The following AGFG1 variants were observed in gnomAD, a reference collection of about 807,000 sequenced individuals.
The protein encoded by AGFG1 is arf-GAP domain and FG repeat-containing protein 1.
Under a neutral mutation model 60.6 loss-of-function variants are expected in AGFG1, and 10 were observed. The ratio of observed to expected loss-of-function variants is 0.16; its 90% CI spans 0.10 to 0.28. The LOEUF (loss-of-function observed/expected upper bound fraction) is 0.28. AGFG1 is among the 10% of genes least tolerant of loss of function. The probability of loss-of-function intolerance (pLI) is 1.00; values close to 1 mark genes in which losing one functional copy is unlikely to be tolerated. For synonymous variants in AGFG1, 247 were observed against 242.9 expected (o/e 1.02, Z -0.16); for missense variants, 537 against 676.5 (o/e 0.79, Z 2.29).
chr2:227,479,251 T>G (rs1690384141), intron 1 of AGFG1, among the ~76,000 whole-genome samples: 1 of 152,238 alleles, frequency 6.6e-6, no homozygotes, highest in East Asian at 1.9e-4. Flanking sequence ...TGACATCATT[T>G]GACCATAACT....
intron 10 of AGFG1, among the ~76,000 whole-genome samples, chr2:227,551,558 G>T (rs561155845): frequency 1.4e-3 from 208 of 151,846 alleles, no homozygotes; most frequent in African/African-American, 4.9e-3. Context: ...GATACTTCAG[G>T]AGATAAAATT....
chr2:227,494,467 G>T (rs1226409890), intron 2 of AGFG1, among the ~76,000 whole-genome samples: 1 of 152,204 alleles, frequency 6.6e-6, no homozygotes. Flanking sequence ...CATGCCTGAA[G>T]ATGAGTATTT....
At position 227,561,121 on chromosome 2, in the gene AGFG1, T is replaced by G. The variant is rs1693126253; in HGVS notation, c.*6626T>G. ...TTTTCAATATTCATTTCTGAAATAC[T>G]TTAGTATGATAGATAAATTTGGTTA... is the stretch of plus-strand genomic sequence containing the variant. On this transcript the variant is annotated 3_prime_UTR_variant, in exon 13 of 13. Coordinates refer to ENST00000310078, the MANE Select transcript of AGFG1 (RefSeq NM_004504.5). The G allele has an allele frequency of 6.6e-6, 1 of 152,156 alleles. No homozygotes were observed. The highest frequency in any genetic ancestry group is 2.1e-4 in the South Asian group (1 of 4,834). 9.4% of individuals were successfully genotyped at this position (152,156 alleles called of 1,614,324 possible). A position where few individuals can be genotyped will look rare whatever the true frequency, so the allele number is the denominator to read the frequency against.
chr2:227,480,174 TAAA>T (rs985292323), intron 1 of AGFG1, among the ~76,000 whole-genome samples: 46 of 152,254 alleles, frequency 3.0e-4, no homozygotes, highest in African/African-American at 9.1e-4. Flanking sequence ...GCTACTAGCT[TAAA>T]GAAGAAAAGA....
At chr2:227,510,168 G>A (rs1691452949) in intron 2 of AGFG1, among the ~76,000 whole-genome samples, 1 of 152,050 alleles carries the variant, frequency 6.6e-6, no homozygotes, top group African/African-American at 2.4e-5. Context: ...GTAGGGAGGG[G>A]TGCTTACTGT....
intron 2 of AGFG1, among the ~76,000 whole-genome samples, chr2:227,500,828 T>C (rs1008619814): frequency 1.3e-5 from 2 of 152,168 alleles, no homozygotes; most frequent in African/African-American, 2.4e-5. Context: ...GTTTCGCTCT[T>C]GTTGCCCAGG....
rs76689378 is a variant in AGFG1, at chr2:227,517,637, A to G, written c.262-2311A>G. On this transcript the variant is annotated intron_variant, in intron 2 of 12. Coordinates refer to ENST00000310078, the MANE Select transcript of AGFG1 (RefSeq NM_004504.5). The stretch of plus-strand genomic sequence containing the variant: ...AGGAGAAGGGCAAGTCCTTTCTCCT[A>G]ACCTTTCTCTTATTTCTCCCATACC... Among the ~76,000 whole-genome samples, 38 of 152,330 alleles carry G rather than the reference A, an allele frequency of 2.5e-4. No homozygotes were observed. The East Asian group carries it at 7.1e-3, about 29-fold the overall frequency.
intron 3 of AGFG1, 33 bp from the exon 4 acceptor site, chr2:227,523,730 T>C: frequency 6.3e-7 from 1 of 1,583,746 alleles, no homozygotes; most frequent in East Asian, 2.3e-5. Context: ...TACCTACATT[T>C]TTTTTTAGTT....
intron 10 of AGFG1, among the ~76,000 whole-genome samples, chr2:227,551,300 C>G (rs561668577): frequency 2.9e-4 from 44 of 152,054 alleles, no homozygotes; most frequent in Non-Finnish European, 5.9e-4. Context: ...CTTCATTTAC[C>G]TTCCATAAGA....
Position 227,520,071 on chromosome 2 carries a change from AAG to A in AGFG1, c.377+11_377+12del, listed in dbSNP as rs1691780395. ...GTATGAAAAGAAAAGATGGTGAGTG[AAG>A]AGTTTGTATGTAGAATAAAGCCTCC... is the stretch of plus-strand genomic sequence containing the variant. On this transcript the variant is annotated intron_variant, in intron 3 of 12. Coordinates refer to ENST00000310078, the MANE Select transcript of AGFG1 (RefSeq NM_004504.5). 6.6e-7 allele frequency: 1 copy of A among 1,523,742 alleles called. No individual in the cohort carries two copies. The highest frequency in any genetic ancestry group is 8.9e-7 in the Non-Finnish European group (1 of 1,121,060). 94.4% of individuals were successfully genotyped at this position (1,523,742 alleles called of 1,614,324 possible). A position where few individuals can be genotyped will look rare whatever the true frequency, so the allele number is the denominator to read the frequency against.
chr2:227,500,762 CTT>C lies in AGFG1; in HGVS notation c.261+9127_261+9128del, dbSNP rs1200756722. Among the ~76,000 whole-genome samples, 9 of 151,988 alleles carry C rather than the reference CTT, an allele frequency of 5.9e-5. No individual in the cohort carries two copies. In the East Asian group the frequency reaches 1.5e-3, roughly 26 times the overall value. On this transcript the variant is annotated intron_variant, in intron 2 of 12. Transcript: ENST00000310078. ...CTTGTATAAACTGCAATATATCTAT[CTT>C]TTTTATTTTTAAATTAAATTAAATT... is the stretch of plus-strand genomic sequence containing the variant.
At chr2:227,478,806 A>G (rs765563324) in intron 1 of AGFG1, among the ~76,000 whole-genome samples, 11 of 152,184 alleles carry the variant, frequency 7.2e-5, no homozygotes, top group Admixed American at 2.0e-4. Context: ...TGAATGCTGA[A>G]TTCTTCTAGA....
intron 3 of AGFG1, among the ~76,000 whole-genome samples, chr2:227,521,071 C>T (rs1301030409): frequency 6.7e-6 from 1 of 150,184 alleles, no homozygotes; most frequent in Non-Finnish European, 1.5e-5. Context: ...CTACATTTTT[C>T]TTTTTTTTTT....
At chr2:227,527,615 C>G (rs1197179786) in intron 5 of AGFG1, among the ~76,000 whole-genome samples, 1 of 152,118 alleles carries the variant, frequency 6.6e-6, no homozygotes, top group Non-Finnish European at 1.5e-5. Flanking sequence ...ATTTTGGATG[C>G]CAGTAAGCTG....
At chr2:227,531,437 C>T (rs1050424981) in intron 6 of AGFG1, among the ~76,000 whole-genome samples, 1 of 151,450 alleles carries the variant, frequency 6.6e-6, no homozygotes, top group Non-Finnish European at 1.5e-5. Context: ...CATTCTCCTC[C>T]TTTTCCTGCG....
rs767158295 is a variant in AGFG1, at chr2:227,524,847, C to T, written c.626C>T (p.Ala209Val). ...LLSDLGSDIF[A>V]APAPQSTATA... Reference sequence around the variant, plus strand: ...AGTGATCTCGGCTCAGACATCTTTGCTGCTCCAGCTCCTCAGTCAACAGCT... The same window carrying T: ...AGTGATCTCGGCTCAGACATCTTTGTTGCTCCAGCTCCTCAGTCAACAGCT... The change falls in exon 5 of 13, where the codon GCT (alanine) becomes GTT (valine). Residue 209 changes from alanine to valine, a missense_variant. This residue lies in a region of AGFG1 where 102 missense variants were observed against 82.9 expected (regional missense o/e 1.23). Transcript: ENST00000310078. The T allele has an allele frequency of 7.4e-6, 12 of 1,614,154 alleles. No individual in the cohort carries two copies. The South Asian group carries it at 1.3e-4, about 18-fold the overall frequency.
intron 10 of AGFG1, among the ~76,000 whole-genome samples, chr2:227,541,756 G>T (rs1326943102): frequency 2.6e-5 from 4 of 152,056 alleles, no homozygotes; most frequent in Non-Finnish European, 5.9e-5. Context: ...GCTTGATGGG[G>T]ATGGCATTGA....
Position 227,531,898 on chromosome 2 carries a change from A to G in AGFG1, c.814+688A>G, listed in dbSNP as rs1241361477. On this transcript the variant is annotated intron_variant, in intron 6 of 12. Coordinates refer to ENST00000310078, the MANE Select transcript of AGFG1 (RefSeq NM_004504.5). ...ATGTTTATTAGACAAGAGTAGATTA[A>G]TGATCACTTCAGTCAAACTTGGAAA... Among the ~76,000 whole-genome samples, 9 of 152,216 alleles carry G rather than the reference A, an allele frequency of 5.9e-5. No individual in the cohort carries two copies. In the East Asian group the frequency reaches 1.5e-3, roughly 26 times the overall value.
chr2:227,530,894 C>T (rs1265138163), intron 5 of AGFG1, among the ~76,000 whole-genome samples, 197 bp from the exon 6 acceptor site: 4 of 152,046 alleles, frequency 2.6e-5, no homozygotes, highest in Non-Finnish European at 4.4e-5. Flanking sequence ...TTTGGAAATT[C>T]TTGGTTACTC....
Sources: allele counts gnomAD v4.1 joint callset (sites outside exome capture counted in the v4.1 genomes callset), GRCh38; gene constraint gnomAD v4.1.1; regional missense constraint gnomAD v4.1.1; transcripts MANE v1.5; gene names NCBI Gene and HGNC (gene_info 2026-07-23, HGNC 2026-07-21).